INPP4B: variants seen among roughly 807,000 people sequenced by gnomAD.
INPP4B encodes the protein inositol polyphosphate-4-phosphatase type II B.
Under a neutral mutation model 122.5 loss-of-function variants are expected in INPP4B, and 55 were observed. That is an observed-to-expected ratio of 0.45 (90% CI 0.36 to 0.56). The LOEUF is 0.56. INPP4B is among the 20% of genes least tolerant of loss of function. INPP4B has a pLI of 0.00. For missense variants in INPP4B, 1,000 were observed against 1,097.7 expected (o/e 0.91, Z 1.26); for synonymous variants, 403 against 388.7 (o/e 1.04, Z -0.43).
intron 7 of INPP4B, among the ~76,000 whole-genome samples, chr4:142,344,414 T>G (rs1210849963): frequency 1.3e-5 from 2 of 152,084 alleles, no homozygotes; most frequent in East Asian, 3.9e-4. Context: ...TAATGGAAAA[T>G]GTATGTGTGG....
chr4:142,400,645 A>C (rs1801280657), intron 7 of INPP4B, among the ~76,000 whole-genome samples: 10 of 152,212 alleles, frequency 6.6e-5, no homozygotes, highest in Admixed American at 6.5e-4. Context: ...TGCCTTAATC[A>C]ACAGTGCTTG....
At chr4:142,668,771 G>A (rs761843717) in intron 2 of INPP4B, among the ~76,000 whole-genome samples, 49 of 152,210 alleles carry the variant, frequency 3.2e-4, no homozygotes, top group Admixed American at 9.8e-4. Context: ...GATCATGGCT[G>A]GGCGTGGTGG....
intron 25 of INPP4B, among the ~76,000 whole-genome samples, chr4:142,064,323 A>G (rs903370308): frequency 1.3e-5 from 2 of 152,204 alleles, no homozygotes; most frequent in Non-Finnish European, 2.9e-5. Context: ...CACAGAGGAA[A>G]AAAAGATGAA....
intron 2 of INPP4B, among the ~76,000 whole-genome samples, chr4:142,487,269 T>C (rs935768812): frequency 6.6e-6 from 1 of 152,140 alleles, no homozygotes; most frequent in Admixed American, 6.6e-5. Flanking sequence ...CTTTCTTTTG[T>C]AAATTGCCCA....
intron 17 of INPP4B, among the ~76,000 whole-genome samples, chr4:142,155,288 A>T (rs2152885162): frequency 6.6e-6 from 1 of 152,268 alleles, no homozygotes; most frequent in East Asian, 1.9e-4. Flanking sequence ...ACTGAACAAA[A>T]TCTTTTGAAT....
rs554526699 is a variant in INPP4B, at chr4:142,422,219, C to T, written c.136+6954G>A. On this transcript the variant is annotated intron_variant, in intron 5 of 25. Transcript: ENST00000262992. Reference sequence around the variant, plus strand: ...CAGGGATGATAAAAGAGCAATTACTCATAATGAAATGATAAGAAGTAATTA... The same window carrying T: ...CAGGGATGATAAAAGAGCAATTACTTATAATGAAATGATAAGAAGTAATTA... Among the ~76,000 whole-genome samples, 3 of 152,074 alleles carry T rather than the reference C, an allele frequency of 2.0e-5. No individual in the cohort carries two copies. In the South Asian group the frequency reaches 6.2e-4, roughly 32 times the overall value.
chr4:142,725,208 C>A (rs1002472387), intron 2 of INPP4B, among the ~76,000 whole-genome samples: 3 of 152,026 alleles, frequency 2.0e-5, no homozygotes, highest in African/African-American at 7.2e-5. Context: ...ATTCTTAGAA[C>A]AACATATGTA....
intron 3 of INPP4B, among the ~76,000 whole-genome samples, chr4:142,443,423 T>C (rs1812247478): frequency 6.6e-6 from 1 of 152,136 alleles, no homozygotes; most frequent in Admixed American, 6.5e-5. Context: ...CAGACCCTGC[T>C]GACCTTAGGT....
chr4:142,804,882 G>T (rs1198507459), intron 1 of INPP4B, among the ~76,000 whole-genome samples: 31 of 152,096 alleles, frequency 2.0e-4, no homozygotes, highest in Admixed American at 2.0e-3. Context: ...GCCCAGTCTG[G>T]TCTCGAACTC....
rs931235037 is a variant in INPP4B at position 142,383,883 on chromosome 4, G to C, written c.372+19055C>G. On this transcript the variant is annotated intron_variant, in intron 7 of 25. Coordinates refer to ENST00000262992, the MANE Select transcript of INPP4B (RefSeq NM_001101669.3). ...ATAATATCCGGGTGGCGGGAACACAGGTGTGAGCTTATTATTCATGTGACC... is the reference window on the plus strand; with the variant it reads ...ATAATATCCGGGTGGCGGGAACACACGTGTGAGCTTATTATTCATGTGACC... 7.3e-6 allele frequency: 4 copies of C among 548,518 alleles called. No individual in the cohort carries two copies. The South Asian group carries it at 1.1e-4, about 15-fold the overall frequency. 34.0% of individuals were successfully genotyped at this position (548,518 alleles called of 1,614,324 possible).
At chr4:142,579,540 C>T (rs952957700) in intron 2 of INPP4B, among the ~76,000 whole-genome samples, 1 of 151,812 alleles carries the variant, frequency 6.6e-6, no homozygotes, top group Admixed American at 6.6e-5. Context: ...AAGCAGATTG[C>T]CCTTTGTAAT....
At chr4:142,176,832 A>G (rs1828536853) in intron 15 of INPP4B, among the ~76,000 whole-genome samples, 1 of 152,126 alleles carries the variant, frequency 6.6e-6, no homozygotes, top group African/African-American at 2.4e-5. Context: ...GATCCCCTCT[A>G]AACCCTTGAT....
At chr4:142,636,765 T>G (rs1749250814) in intron 2 of INPP4B, among the ~76,000 whole-genome samples, 1 of 152,150 alleles carries the variant, frequency 6.6e-6, no homozygotes, top group African/African-American at 2.4e-5. Flanking sequence ...TTAGTCCATT[T>G]ATTAGCTCCC....
At chr4:142,548,505 G>A (rs1215471417) in intron 2 of INPP4B, among the ~76,000 whole-genome samples, 1 of 152,080 alleles carries the variant, frequency 6.6e-6, no homozygotes, top group African/African-American at 2.4e-5. Flanking sequence ...ATGACATGAA[G>A]TTAACATATT....
At chr4:142,333,126 G>C (rs1239334378) in intron 7 of INPP4B, among the ~76,000 whole-genome samples, 2 of 151,770 alleles carry the variant, frequency 1.3e-5, no homozygotes, top group African/African-American at 4.8e-5. Context: ...GACCCACTCC[G>C]ATCACAGGTG....
intron 1 of INPP4B, among the ~76,000 whole-genome samples, chr4:142,779,407 C>A (rs1256621935): frequency 3.9e-5 from 6 of 151,926 alleles, no homozygotes; most frequent in African/African-American, 1.5e-4. Flanking sequence ...TACATGAATT[C>A]ATAACATTTA....
chr4:142,726,676 T>G (rs77324111), intron 1 of INPP4B, among the ~76,000 whole-genome samples: 3,755 of 152,262 alleles, frequency 0.025, 61 homozygotes, highest in Middle Eastern at 0.095. Context: ...ATTCACCCCT[T>G]AAGAAAGTTA....
intron 2 of INPP4B, among the ~76,000 whole-genome samples, chr4:142,525,145 C>A (rs1464690623): frequency 1.1e-4 from 16 of 150,894 alleles, no homozygotes; most frequent in Non-Finnish European, 1.8e-4. Flanking sequence ...ACAATTGCTT[C>A]AAAGAGAATA....
chr4:142,176,118 T>TATTA (rs1828065582), intron 15 of INPP4B, among the ~76,000 whole-genome samples: 3 of 137,618 alleles, frequency 2.2e-5, no homozygotes, highest in South Asian at 2.5e-4. Flanking sequence ...ACTGCTTTCT[T>TATTA]TTATTATTAT....
Sources: gnomAD v4.1 joint callset for allele counts (sites outside exome capture counted in the v4.1 genomes callset) on GRCh38, gnomAD v4.1.1 for gene constraint, MANE v1.5 for transcripts, NCBI Gene and HGNC (gene_info 2026-07-23, HGNC 2026-07-21) for gene names.